CNBD1: variants seen among roughly 807,000 people sequenced by gnomAD.
CNBD1 encodes cyclic nucleotide binding domain containing 1.
Under a neutral mutation model 54.4 loss-of-function variants are expected in CNBD1, and 71 were observed. The observed-to-expected ratio is 1.30, with a 90% CI of 1.08 to 1.59. The LOEUF (loss-of-function observed/expected upper bound fraction) is 1.59, where lower values mean the gene tolerates loss of function less well. Among genes scored for constraint, CNBD1 ranks in the 40% most tolerant of loss-of-function variants. The probability of loss-of-function intolerance (pLI) is 0.00; values close to 1 mark genes in which losing one functional copy is unlikely to be tolerated. For synonymous variants in CNBD1, 182 were observed against 170.7 expected (o/e 1.07, Z -0.51); for missense variants, 659 against 518.0 (o/e 1.27, Z -2.64).
chr8:87,080,171 C>G (rs2130663975), intron 4 of CNBD1, among the ~76,000 whole-genome samples: 1 of 152,212 alleles, frequency 6.6e-6, no homozygotes, highest in Middle Eastern at 3.4e-3. Flanking sequence ...TCATGAATAC[C>G]ACATTGTCTC....
intron 10 of CNBD1, among the ~76,000 whole-genome samples, chr8:87,365,038 T>C (rs1365025728): frequency 1.3e-5 from 2 of 152,072 alleles, no homozygotes; most frequent in Non-Finnish European, 2.9e-5. Context: ...AAATGGTAGT[T>C]CTTGTTTTAG....
chr8:87,374,999 G>A (rs1026410504), intron 10 of CNBD1, among the ~76,000 whole-genome samples: 4 of 150,168 alleles, frequency 2.7e-5, no homozygotes, highest in African/African-American at 5.0e-5. Context: ...TTCTGGATTA[G>A]AACATAAAAT....
chr8:87,120,984 T>C (rs763602601), intron 4 of CNBD1, among the ~76,000 whole-genome samples: 5 of 151,994 alleles, frequency 3.3e-5, no homozygotes, highest in Non-Finnish European at 7.4e-5. Context: ...TTTGTGTTAA[T>C]TGTTTCCCTT....
chr8:86,952,851 G>T (rs1807661526), intron 4 of CNBD1, among the ~76,000 whole-genome samples: 1 of 152,088 alleles, frequency 6.6e-6, no homozygotes, highest in South Asian at 2.1e-4. Context: ...TGCAACTTTT[G>T]TCATTCTTTC....
chr8:86,920,289 CT>C (rs1174529096), intron 3 of CNBD1, among the ~76,000 whole-genome samples: 2 of 152,208 alleles, frequency 1.3e-5, no homozygotes, highest in East Asian at 3.9e-4. Context: ...TAGTTATTAT[CT>C]TAAAAAGTTC....
At chr8:87,413,008 T>C (rs1807774182) in intron 2 of CNBD1, among the ~76,000 whole-genome samples, 1 of 151,986 alleles carries the variant, frequency 6.6e-6, no homozygotes, top group African/African-American at 2.4e-5. Context: ...CAGGGCGAGA[T>C]ACAACAGAAC....
intron 8 of CNBD1, among the ~76,000 whole-genome samples, chr8:87,327,316 C>T (rs934227296): frequency 6.7e-6 from 1 of 150,090 alleles, no homozygotes; most frequent in African/African-American, 2.5e-5. Context: ...CCTCCTTGAG[C>T]TGTGGTGGGC....
At chr8:86,894,321 G>A (rs570166433) in intron 2 of CNBD1, among the ~76,000 whole-genome samples, 39 of 151,622 alleles carry the variant, frequency 2.6e-4, no homozygotes, top group African/African-American at 7.2e-4. Context: ...TCGGCCTCCC[G>A]AAGTGCTGGG....
intron 10 of CNBD1, among the ~76,000 whole-genome samples, chr8:87,379,650 A>T (rs1048803908): frequency 6.6e-6 from 1 of 152,044 alleles, no homozygotes; most frequent in Non-Finnish European, 1.5e-5. Flanking sequence ...TAATGGTCAT[A>T]AAAGTGCATA....
rs1016465205 is a variant in CNBD1 at position 87,163,774 on chromosome 8, T to C, written c.432-42219T>C. Among the ~76,000 whole-genome samples the C allele has an allele frequency of 1.3e-5, 2 of 151,846 alleles. No individual in the cohort carries two copies. Among genetic ancestry groups the C allele is most frequent in the Non-Finnish European group, 2.9e-5 (2 of 67,878 alleles). The stretch of plus-strand genomic sequence containing the variant: ...CATCTGCAAAAAGATAATTTTACTT[T>C]CTTATTTGGATGTCTTTAATTTCTT... On this transcript the variant is annotated intron_variant, in intron 4 of 10. Coordinates refer to ENST00000518476, the MANE Select transcript of CNBD1 (RefSeq NM_173538.3). The surrounding 1 kb of genome is among the most constrained non-coding windows in gnomAD (Gnocchi z 4.5).
chr8:87,366,655 G>T (rs927210335), intron 10 of CNBD1, among the ~76,000 whole-genome samples: 4 of 152,006 alleles, frequency 2.6e-5, no homozygotes, highest in Non-Finnish European at 4.4e-5. Flanking sequence ...GCTGAAGGTC[G>T]TGGGGGCCAC....
intron 6 of CNBD1, among the ~76,000 whole-genome samples, chr8:87,247,264 G>A (rs981246424): frequency 6.6e-6 from 1 of 152,188 alleles, no homozygotes; most frequent in African/African-American, 2.4e-5. Flanking sequence ...ACTCTCAAAT[G>A]AGTTGCAGAT....
At chr8:86,941,771 T>C (rs1809660448) in intron 4 of CNBD1, among the ~76,000 whole-genome samples, 1 of 152,178 alleles carries the variant, frequency 6.6e-6, no homozygotes, top group African/African-American at 2.4e-5. Flanking sequence ...CAGTGAATAA[T>C]AGACAAGTTA....
At chr8:87,309,631 T>G (rs1809224144) in intron 8 of CNBD1, among the ~76,000 whole-genome samples, 1 of 152,144 alleles carries the variant, frequency 6.6e-6, no homozygotes, top group Non-Finnish European at 1.5e-5. Flanking sequence ...TGTATATCTG[T>G]AGCTGTGTGT....
At chr8:87,305,163 CA>C (rs1279991533) in intron 8 of CNBD1, among the ~76,000 whole-genome samples, 2 of 151,178 alleles carry the variant, frequency 1.3e-5, no homozygotes, top group Non-Finnish European at 3.0e-5. Flanking sequence ...ACAATAGCTG[CA>C]AAAAAAGAAA....
chr8:87,151,288 A>G (rs1812598419), intron 4 of CNBD1, among the ~76,000 whole-genome samples: 1 of 152,216 alleles, frequency 6.6e-6, no homozygotes, highest in South Asian at 2.1e-4. Flanking sequence ...CCAAGTATCT[A>G]CAATCTACCA....
chr8:87,423,214 T>C (rs1483344101), intron 2 of CNBD1, among the ~76,000 whole-genome samples: 7 of 152,184 alleles, frequency 4.6e-5, no homozygotes. Flanking sequence ...ATTCATGTCA[T>C]CTGCAAACAG....
At chr8:87,091,026 G>A (rs557264757) in intron 4 of CNBD1, among the ~76,000 whole-genome samples, 52 of 151,698 alleles carry the variant, frequency 3.4e-4, no homozygotes, top group African/African-American at 1.2e-3. Context: ...TGTAATCCCA[G>A]CTACTCGGGA....
At chr8:86,911,001 T>C (rs966758418) in intron 3 of CNBD1, among the ~76,000 whole-genome samples, 1 of 152,196 alleles carries the variant, frequency 6.6e-6, no homozygotes, top group Admixed American at 6.5e-5. Context: ...AGTTGTGCTG[T>C]TTGCATATCC....
Sources: allele counts gnomAD v4.1 joint callset (sites outside exome capture counted in the v4.1 genomes callset), GRCh38; gene constraint gnomAD v4.1.1; non-coding constraint Gnocchi (gnomAD v3.1); transcripts MANE v1.5; gene names NCBI Gene and HGNC (gene_info 2026-07-23, HGNC 2026-07-21).